RILPL2: variants seen among roughly 807,000 people sequenced by gnomAD.
The protein encoded by RILPL2 is RILP-like protein 2.
RILPL2 carries 19 observed loss-of-function variants against 22.2 expected under a neutral mutation model. The observed-to-expected ratio is 0.86, with a 90% confidence interval of 0.60 to 1.25. RILPL2 has a LOEUF of 1.25. Among genes scored for constraint, RILPL2 ranks in the 50% most tolerant of loss-of-function variants. The pLI is 0.00. For missense variants in RILPL2, 243 were observed against 263.6 expected, an observed-to-expected ratio of 0.92 and a Z score of 0.54; for synonymous variants, 123 against 111.6, an observed-to-expected ratio of 1.10 and a Z score of -0.64.
At chr12:123,416,495 C>T (rs1388603279) in intron 3 of RILPL2, among the ~76,000 whole-genome samples, 1 of 151,812 alleles carries the variant, frequency 6.6e-6, no homozygotes, top group Non-Finnish European at 1.5e-5. Context: ...AAAAATTAGC[C>T]GGGTGTGGTG....
chr12:123,415,949 G>C lies in RILPL2; in HGVS notation c.606-28C>G, dbSNP rs115836115. On this transcript the variant is annotated intron_variant, in intron 3 of 3. Coordinates refer to ENST00000280571, the MANE Select transcript of RILPL2 (RefSeq NM_145058.3). ...GGTGTGGAGAGAGAGAGGGTTCAGGGTAAGCAGAAGGAACAAAGCAAGGGG... is the reference window on the plus strand; with the variant it reads ...GGTGTGGAGAGAGAGAGGGTTCAGGCTAAGCAGAAGGAACAAAGCAAGGGG... The C allele has an allele frequency of 2.0e-3, 3,194 of 1,613,672 alleles. 34 individuals carry two copies. In the African/African-American group the frequency reaches 0.023, roughly 11 times the overall value.
intron 1 of RILPL2, among the ~76,000 whole-genome samples, chr12:123,432,277 G>A (rs1306027464): frequency 6.6e-6 from 1 of 151,560 alleles, no homozygotes; most frequent in Non-Finnish European, 1.5e-5. Context: ...AGGCTAGAGC[G>A]GGTGGATCGT....
downstream of RILPL2, chr12:123,411,160 A>C (rs989286083): frequency 6.6e-6 from 1 of 151,812 alleles, no homozygotes; most frequent in Non-Finnish European, 1.5e-5. Flanking sequence ...CTCCTGCCTC[A>C]ACCTCCTGAG....
intron 3 of RILPL2, among the ~76,000 whole-genome samples, chr12:123,420,215 C>T (rs1398738007): frequency 2.0e-5 from 3 of 151,254 alleles, no homozygotes; most frequent in Non-Finnish European, 2.9e-5. Context: ...TTAGTAGAGA[C>T]GTGGTTTCAC....
chr12:123,423,101 A>T lies in RILPL2; in HGVS notation c.548T>A (p.Val183Asp). 6.2e-7 allele frequency: 1 copy of T among 1,612,544 alleles called. No homozygotes were observed. Among genetic ancestry groups the T allele is most frequent in the Non-Finnish European group, 8.5e-7 (1 of 1,179,550 alleles). Residue 183 changes from valine (V) to aspartate (D), a missense_variant, in exon 3 of 4, where the codon GTT (valine) becomes GAT (aspartate). Coordinates refer to ENST00000280571, the MANE Select transcript of RILPL2 (RefSeq NM_145058.3). ...PGGRREKDAV[V>D]TSAKNAGRNK... Reference sequence around the variant, plus strand: ...CCTGCCAGCATTTTTGGCACTAGTAACCACAGCATCTTTTTCTCTTCTTCC... The same window carrying T: ...CCTGCCAGCATTTTTGGCACTAGTATCCACAGCATCTTTTTCTCTTCTTCC...
At chr12:123,429,359 G>A (rs1312214437) in intron 2 of RILPL2, among the ~76,000 whole-genome samples, 1 of 152,074 alleles carries the variant, frequency 6.6e-6, no homozygotes, top group Non-Finnish European at 1.5e-5. Context: ...GCAGTGGCAC[G>A]ATCTCGGCTC....
At chr12:123,417,093 G>A (rs1003403554) in intron 3 of RILPL2, among the ~76,000 whole-genome samples, 3 of 152,050 alleles carry the variant, frequency 2.0e-5, no homozygotes, top group Admixed American at 2.0e-4. Context: ...GAGCTCAGGA[G>A]TTCCAGACCA....
At chr12:123,435,275 C>T (rs1252249581) in intron 1 of RILPL2, among the ~76,000 whole-genome samples, 1 of 152,122 alleles carries the variant, frequency 6.6e-6, no homozygotes, top group Non-Finnish European at 1.5e-5. Flanking sequence ...CTGTGTGTAT[C>T]AGCACCCCGT....
intron 3 of RILPL2, among the ~76,000 whole-genome samples, chr12:123,416,456 G>A (rs1402166352): frequency 2.0e-5 from 3 of 152,060 alleles, no homozygotes; most frequent in African/African-American, 4.8e-5. Context: ...TGGCTCACAC[G>A]GTGAAACCCC....
At chr12:123,421,081 T>C (rs28404303) in intron 3 of RILPL2, among the ~76,000 whole-genome samples, 89,097 of 150,326 alleles carry the variant, frequency 0.59, 27,241 homozygotes, top group East Asian at 0.95. Flanking sequence ...CTCACTCTGT[T>C]GCTCAGACTG....
At chr12:123,417,874 T>G (rs1879162758) in intron 3 of RILPL2, among the ~76,000 whole-genome samples, 1 of 152,074 alleles carries the variant, frequency 6.6e-6, no homozygotes. Context: ...CGTGAGCCAC[T>G]GTGCCTGGCC....
intron 2 of RILPL2, among the ~76,000 whole-genome samples, chr12:123,429,589 A>C (rs113293728): frequency 6.4e-4 from 96 of 150,032 alleles, no homozygotes; most frequent in African/African-American, 2.1e-3. Context: ...CACCATCCCC[A>C]GTCGTTTTTA....
Position 123,415,564 on chromosome 12 carries a change from A to AGAT in RILPL2, c.*324_*326dup. 2.8e-6 allele frequency: 1 copy of AGAT among 363,140 alleles called. No homozygotes were observed. Among genetic ancestry groups the AGAT allele is most frequent in the South Asian group, 5.4e-5 (1 of 18,482 alleles). 22.5% of individuals were successfully genotyped at this position (363,140 alleles called of 1,614,324 possible). On this transcript the variant is annotated 3_prime_UTR_variant, in exon 4 of 4. Transcript: ENST00000280571. The stretch of plus-strand genomic sequence containing the variant: ...GAAGACCAGGGTCATCCGTGGGAGC[A>AGAT]GATGAGTAGGACACGCGTCTGCACG...
At chr12:123,432,243 C>T (rs1199144737) in intron 1 of RILPL2, among the ~76,000 whole-genome samples, 4 of 152,160 alleles carry the variant, frequency 2.6e-5, no homozygotes, top group Non-Finnish European at 4.4e-5. Context: ...TAGTGGCTCA[C>T]GCCTGTAACC....
chr12:123,431,639 C>T (rs1049203964), intron 1 of RILPL2, among the ~76,000 whole-genome samples: 40 of 151,756 alleles, frequency 2.6e-4, no homozygotes, highest in Admixed American at 6.6e-4. Flanking sequence ...CTGGCTAACG[C>T]GGTGAAACCC....
At chr12:123,410,225 G>T (rs146755178), downstream of RILPL2, among the ~76,000 whole-genome samples, 68 of 152,280 alleles carry the variant, frequency 4.5e-4, 1 homozygote, top group East Asian at 0.013. Flanking sequence ...AATTGTCATT[G>T]CGACTTATAA....
chr12:123,426,737 GACT>G (rs1879452654), intron 2 of RILPL2, among the ~76,000 whole-genome samples: 1 of 151,862 alleles, frequency 6.6e-6, no homozygotes, highest in African/African-American at 2.4e-5. Flanking sequence ...GAGTAGCTGG[GACT>G]ACAGGTGCCC....
chr12:123,420,435 G>C (rs965705218), intron 3 of RILPL2, among the ~76,000 whole-genome samples: 6 of 150,520 alleles, frequency 4.0e-5, no homozygotes, highest in Non-Finnish European at 7.4e-5. Flanking sequence ...CACTGTGCCC[G>C]GCCTATTTTT....
chr12:123,422,789 C>T (rs1879321489), intron 3 of RILPL2, among the ~76,000 whole-genome samples: 1 of 152,152 alleles, frequency 6.6e-6, no homozygotes, highest in African/African-American at 2.4e-5. Flanking sequence ...GCTATTTCTC[C>T]ATCTGTAAAA....
Sources: allele counts gnomAD v4.1 joint callset (sites outside exome capture counted in the v4.1 genomes callset), GRCh38; gene constraint gnomAD v4.1.1; transcripts MANE v1.5; gene names NCBI Gene and HGNC (gene_info 2026-07-23, HGNC 2026-07-21).